Variants in PTPN1 observed in about 807,000 individuals in gnomAD.
PTPN1 encodes tyrosine-protein phosphatase non-receptor type 1.
In PTPN1, 12 loss-of-function variants were observed where a neutral mutation model predicts 59.9. The observed-to-expected ratio is 0.20, with a 90% CI of 0.13 to 0.32. The LOEUF is 0.32. PTPN1 is among the 10% of genes least tolerant of loss of function. The pLI is 1.00. For synonymous variants in PTPN1, 178 were observed against 203.6 expected (o/e 0.87, Z 1.07); for missense variants, 356 against 549.2 (o/e 0.65, Z 3.52).
At chr20:50,531,916 G>C in intron 1 of PTPN1, among the ~76,000 whole-genome samples, 1 of 152,180 alleles carries the variant, frequency 6.6e-6, no homozygotes, top group East Asian at 1.9e-4. Context: ...TTCCCTATAA[G>C]GCTGCAGGGC....
intron 5 of PTPN1, 40 bp from the exon 6 acceptor site, chr20:50,578,380 T>C: frequency 6.5e-7 from 1 of 1,532,756 alleles, no homozygotes; most frequent in Non-Finnish European, 9.0e-7. Flanking sequence ...TCTGTACAGA[T>C]GATTCTTTTA....
chr20:50,579,388 G>A, intron 7 of PTPN1, 59 bp downstream of exon 7: 1 of 1,559,598 alleles, frequency 6.4e-7, no homozygotes, highest in Non-Finnish European at 8.7e-7. Flanking sequence ...TGTCTTTGAA[G>A]GAGGCTGTCA....
intron 1 of PTPN1, among the ~76,000 whole-genome samples, chr20:50,535,242 C>G (rs2082619332): frequency 6.6e-6 from 1 of 152,274 alleles, no homozygotes; most frequent in African/African-American, 2.4e-5. Flanking sequence ...CCTCCAGATT[C>G]CTAACACAGG....
chr20:50,536,375 A>C (rs377008153), intron 1 of PTPN1, among the ~76,000 whole-genome samples: 1 of 152,214 alleles, frequency 6.6e-6, no homozygotes, highest in Non-Finnish European at 1.5e-5. Context: ...GGCCTCTTTT[A>C]TAATTATAAG....
At chr20:50,554,046 G>A (rs2082715180) in intron 1 of PTPN1, among the ~76,000 whole-genome samples, 1 of 152,112 alleles carries the variant, frequency 6.6e-6, no homozygotes, top group African/African-American at 2.4e-5. Context: ...CAGGTTTAAT[G>A]AAAACTATAA....
chr20:50,571,410 C>T (rs1176730881), intron 4 of PTPN1: 1 of 152,236 alleles, frequency 6.6e-6, no homozygotes, highest in Non-Finnish European at 1.5e-5. Context: ...TCTTTGGGAT[C>T]AACATTTTCA....
In PTPN1 at chr20:50,584,817, A is replaced by G. The variant is rs1181147054; in HGVS notation, c.*2102A>G. 6.6e-6 allele frequency: 1 copy of G among 152,188 alleles called. No homozygotes were observed. The highest frequency in any genetic ancestry group is 1.5e-5 in the Non-Finnish European group (1 of 68,030). The allele number at this position is 152,188 out of a possible 1,614,324, so 9.4% of individuals were successfully genotyped here. On this transcript the variant is annotated 3_prime_UTR_variant, in exon 10 of 10. Transcript: ENST00000371621. ...TTAATAGAGCTAAACCAGGATGAGT[A>G]ACTCCTGTTTCTTTCTATCCCTGCT...
intron 1 of PTPN1, among the ~76,000 whole-genome samples, chr20:50,524,151 A>C (rs1023041246): frequency 1.3e-5 from 2 of 152,066 alleles, no homozygotes; most frequent in Non-Finnish European, 2.9e-5. Context: ...AGCCTAGTGG[A>C]GGTTATTCCA....
In PTPN1 at chr20:50,582,609, G is replaced by A. The variant is rs372657022; in HGVS notation, c.1285-83G>A. The A allele has an allele frequency of 8.2e-6, 12 of 1,465,930 alleles. No homozygotes were observed. The highest frequency in any genetic ancestry group is 2.4e-5 in the South Asian group (2 of 84,088). The allele number at this position is 1,465,930 out of a possible 1,614,324, so 90.8% of individuals were successfully genotyped here. A position where few individuals can be genotyped will look rare whatever the true frequency, so the allele number is the denominator to read the frequency against. ...CTCCCTCGGAGGTTGAAGTTGCCGG[G>A]GGGTGTGGCCGGGGTCATGCATGAG... On this transcript the variant is annotated intron_variant, in intron 9 of 9. Coordinates refer to ENST00000371621, the MANE Select transcript of PTPN1 (RefSeq NM_002827.4). The surrounding 1 kb of genome is among the most constrained non-coding windows in gnomAD (Gnocchi z 4.2).
chr20:50,526,251 A>AT (rs570945557), intron 1 of PTPN1, among the ~76,000 whole-genome samples: 78 of 152,000 alleles, frequency 5.1e-4, no homozygotes, highest in Non-Finnish European at 1.0e-3. Context: ...ATTTTTAATG[A>AT]TTTTTTTGGT....
chr20:50,513,094 T>A (rs1250389164), intron 1 of PTPN1, among the ~76,000 whole-genome samples: 2 of 152,196 alleles, frequency 1.3e-5, no homozygotes, highest in Non-Finnish European at 2.9e-5. Context: ...GACTTTTGAG[T>A]GCTGAGGAAT....
intron 1 of PTPN1, among the ~76,000 whole-genome samples, chr20:50,533,611 C>A (rs1433389113): frequency 6.6e-6 from 1 of 152,068 alleles, no homozygotes; most frequent in Non-Finnish European, 1.5e-5. Flanking sequence ...AGCTGGAGGC[C>A]CCTTGCTTGT....
At chr20:50,523,495 G>C (rs1447966197) in intron 1 of PTPN1, among the ~76,000 whole-genome samples, 2 of 152,202 alleles carry the variant, frequency 1.3e-5, no homozygotes, top group African/African-American at 2.4e-5. Context: ...TTTCTCTGAA[G>C]CTTTTTGTCA....
Position 50,574,672 on chromosome 20 carries a change from T to G in PTPN1, c.492+18T>G. On this transcript the variant is annotated intron_variant, in intron 5 of 9. Coordinates refer to ENST00000371621, the MANE Select transcript of PTPN1 (RefSeq NM_002827.4). ...ACCTTACAGTGAGTATAGCACACAC[T>G]TCAGCACTTCAGGCGGCTACTGGTT... is the stretch of plus-strand genomic sequence containing the variant. 6.3e-7 allele frequency: 1 copy of G among 1,589,834 alleles called. No individual in the cohort carries two copies. Among genetic ancestry groups the G allele is most frequent in the Non-Finnish European group, 8.5e-7 (1 of 1,172,142 alleles).
chr20:50,581,461 G>T lies in PTPN1; in HGVS notation c.1284+1G>T, dbSNP rs746622683. Reference sequence around the variant, plus strand: ...GGCCGGCGCTTACCTCTGCTACAGGGTATGTTTCCACTGACAGACGCGCTG... The same window carrying T: ...GGCCGGCGCTTACCTCTGCTACAGGTTATGTTTCCACTGACAGACGCGCTG... On this transcript the variant is annotated splice_donor_variant, in intron 9 of 9. Transcript: ENST00000371621. LOFTEE classifies it high-confidence loss of function. The T allele has an allele frequency of 6.3e-7, 1 of 1,596,700 alleles. No homozygotes were observed.
Position 50,582,620 on chromosome 20 carries a change from G to A in PTPN1, c.1285-72G>A, listed in dbSNP as rs987574630. 1.9e-5 allele frequency: 29 copies of A among 1,550,120 alleles called. No individual in the cohort carries two copies. The highest frequency in any genetic ancestry group is 2.3e-5 in the East Asian group (1 of 43,992). On this transcript the variant is annotated intron_variant, in intron 9 of 9. Transcript: ENST00000371621. The surrounding 1 kb of genome is among the most constrained non-coding windows in gnomAD (Gnocchi z 4.2). ...GTTGAAGTTGCCGGGGGGTGTGGCC[G>A]GGGTCATGCATGAGGCGACAGCTCT...
At chr20:50,545,215 C>CA (rs2082669718) in intron 1 of PTPN1, among the ~76,000 whole-genome samples, 2 of 152,114 alleles carry the variant, frequency 1.3e-5, no homozygotes, top group Non-Finnish European at 2.9e-5. Context: ...GTCAGCCCCC[C>CA]AAAGTGTTGG....
chr20:50,523,361 GAACCCTTCCC>G (rs1049437991), intron 1 of PTPN1, among the ~76,000 whole-genome samples: 2 of 152,172 alleles, frequency 1.3e-5, no homozygotes, highest in Non-Finnish European at 2.9e-5. Context: ...AAGCTTCAGA[GAACCCTTCCC>G]AAAAGGACAA....
At chr20:50,515,799 G>T (rs971887255) in intron 1 of PTPN1, among the ~76,000 whole-genome samples, 4 of 152,166 alleles carry the variant, frequency 2.6e-5, no homozygotes, top group Non-Finnish European at 5.9e-5. Flanking sequence ...TCCCACTCTA[G>T]GGGGGCAATG....
Sources: gnomAD v4.1 joint callset for allele counts (sites outside exome capture counted in the v4.1 genomes callset) on GRCh38, gnomAD v4.1.1 for gene constraint, Gnocchi (gnomAD v3.1) non-coding constraint, MANE v1.5 for transcripts, NCBI Gene and HGNC (gene_info 2026-07-23, HGNC 2026-07-21) for gene names.